Variants in TLN2 observed in about 807,000 individuals in gnomAD.
The protein encoded by TLN2 is talin 2.
TLN2 carries 118 observed loss-of-function variants against 294.7 expected under a neutral mutation model. The ratio of observed to expected loss-of-function variants is 0.40; its 90% CI spans 0.34 to 0.47. The LOEUF (loss-of-function observed/expected upper bound fraction) is 0.47, where lower values mean the gene tolerates loss of function less well. Among genes scored for constraint, TLN2 ranks in the 20% least tolerant of loss-of-function variants. TLN2 has a pLI of 0.84. For missense variants in TLN2, 3,083 were observed against 3,282.2 expected (o/e 0.94, Z 1.48); for synonymous variants, 1,431 against 1,304.5 (o/e 1.10, Z -2.09).
intron 42 of TLN2, among the ~76,000 whole-genome samples, chr15:62,771,342 G>C (rs534964548): frequency 6.6e-6 from 1 of 152,230 alleles, no homozygotes; most frequent in South Asian, 2.1e-4. Flanking sequence ...TTTTTTTCTT[G>C]ACAGAATGTG....
At chr15:62,698,701 C>T in intron 15 of TLN2, 53 bp from the exon 16 acceptor site, 7 of 1,462,492 alleles carry the variant, frequency 4.8e-6, no homozygotes, top group Admixed American at 1.7e-5. Flanking sequence ...CATAAAGGGC[C>T]ATGTCGGTCC....
At position 62,513,667 on chromosome 15, in the gene TLN2, G is replaced by T. The variant is rs116770681; in HGVS notation, c.-237-76020G>T. Among the ~76,000 whole-genome samples the T allele has an allele frequency of 2.0e-3, 306 of 152,322 alleles. 3 individuals are homozygous for T. The highest frequency in any genetic ancestry group is 6.9e-3 in the African/African-American group (287 of 41,580). ...TGATAGTGATGATGAAAAATGAGGT[G>T]TAACAGATACTAAAGGGTCTAGCAG... On this transcript the variant is annotated intron_variant, in intron 1 of 58. Coordinates refer to ENST00000636159, the MANE Select transcript of TLN2 (RefSeq NM_015059.3).
intron 1 of TLN2, among the ~76,000 whole-genome samples, chr15:62,400,923 G>T (rs1177029204): frequency 1.4e-5 from 2 of 147,368 alleles, no homozygotes; most frequent in Admixed American, 7.0e-5. Context: ...TCAAGCCGTT[G>T]TCCTGCCTTA....
intron 28 of TLN2, among the ~76,000 whole-genome samples, chr15:62,729,625 T>G (rs2060612413): frequency 1.3e-5 from 2 of 152,238 alleles, no homozygotes; most frequent in Non-Finnish European, 2.9e-5. Context: ...TTCATGCTTA[T>G]ATTTAATGGA....
intron 12 of TLN2, among the ~76,000 whole-genome samples, chr15:62,689,527 T>C (rs1003674913): frequency 6.6e-6 from 1 of 152,156 alleles, no homozygotes; most frequent in Non-Finnish European, 1.5e-5. Context: ...CATTTTGTGT[T>C]TGGAGAGCTT....
At chr15:62,632,429 C>T (rs993874659) in intron 3 of TLN2, among the ~76,000 whole-genome samples, 3 of 152,156 alleles carry the variant, frequency 2.0e-5, no homozygotes, top group Admixed American at 2.0e-4. Context: ...ATCAGAGTGA[C>T]CTAGGCTCTT....
At chr15:62,566,494 A>G (rs994739882) in intron 1 of TLN2, among the ~76,000 whole-genome samples, 2 of 152,070 alleles carry the variant, frequency 1.3e-5, no homozygotes, top group South Asian at 4.2e-4. Context: ...GCCAGAAAAT[A>G]GAGGGATGTG....
intron 52 of TLN2, among the ~76,000 whole-genome samples, 184 bp from the exon 53 acceptor site, chr15:62,819,332 C>T (rs1162809647): frequency 1.3e-5 from 2 of 152,186 alleles, no homozygotes; most frequent in African/African-American, 4.8e-5. Context: ...TTTTATTTCT[C>T]ACATGGGGAG....
At chr15:62,416,338 C>T (rs1332744776) in intron 1 of TLN2, among the ~76,000 whole-genome samples, 1 of 152,118 alleles carries the variant, frequency 6.6e-6, no homozygotes, top group Non-Finnish European at 1.5e-5. Flanking sequence ...AACAAAATCC[C>T]TCTTCAGTCC....
intron 26 of TLN2, among the ~76,000 whole-genome samples, chr15:62,723,538 C>CTTTTTTTTT (rs555674609): frequency 9.3e-6 from 1 of 107,220 alleles, no homozygotes; most frequent in Non-Finnish European, 1.7e-5. Context: ...ACTGTGAAAA[C>CTTTTTTTTT]TTTTTTTTTT....
At chr15:62,674,513 T>A (rs1470706606) in intron 10 of TLN2, among the ~76,000 whole-genome samples, 1 of 149,700 alleles carries the variant, frequency 6.7e-6, no homozygotes, top group African/African-American at 2.5e-5. Context: ...AAAACGATAT[T>A]TTTTTTTTTT....
At chr15:62,672,159 T>C (rs938421047) in intron 9 of TLN2, among the ~76,000 whole-genome samples, 2 of 152,222 alleles carry the variant, frequency 1.3e-5, no homozygotes, top group African/African-American at 4.8e-5. Flanking sequence ...AAGAGTTGTA[T>C]AATGATGATT....
chr15:62,678,093 C>T (rs1449524633), intron 11 of TLN2, among the ~76,000 whole-genome samples: 1 of 151,994 alleles, frequency 6.6e-6, no homozygotes, highest in Non-Finnish European at 1.5e-5. Flanking sequence ...CCACCCCTGG[C>T]CAAGCACTTG....
At chr15:62,658,425 C>G (rs2053463416) in intron 9 of TLN2, among the ~76,000 whole-genome samples, 1 of 152,150 alleles carries the variant, frequency 6.6e-6, no homozygotes, top group Admixed American at 6.5e-5. Context: ...CCAGAGTATG[C>G]CTTTGAGTAA....
intron 1 of TLN2, among the ~76,000 whole-genome samples, chr15:62,496,645 T>A (rs1415500015): frequency 6.6e-6 from 1 of 152,212 alleles, no homozygotes; most frequent in Non-Finnish European, 1.5e-5. Flanking sequence ...GATCAGTGCC[T>A]GATTGTTCCC....
chr15:62,829,089 T>G (rs2068499460), intron 54 of TLN2: 1 of 150,746 alleles, frequency 6.6e-6, no homozygotes, highest in African/African-American at 2.4e-5. Context: ...ATTTATTTAT[T>G]TATTTATTTA....
intron 1 of TLN2, among the ~76,000 whole-genome samples, chr15:62,504,935 A>G (rs1228318008): frequency 1.3e-5 from 2 of 150,594 alleles, no homozygotes; most frequent in Non-Finnish European, 2.9e-5. Context: ...AATAACATTA[A>G]AAAACAGAAA....
rs535637430 is a variant in TLN2, at chr15:62,714,316, C to T, written c.2635-2015C>T. ...CTCCTGGGTTCACGCCATTCTCCTG[C>T]CTCAGCCTCCTGAGTAGCTGGGACT... On this transcript the variant is annotated intron_variant, in intron 22 of 58. Transcript: ENST00000636159. Among the ~76,000 whole-genome samples, 26 of 151,108 alleles carry T rather than the reference C, an allele frequency of 1.7e-4. 1 individual carries two copies. Among genetic ancestry groups the T allele is most frequent in the Admixed American group, 1.3e-3 (20 of 15,164 alleles).
intron 1 of TLN2, among the ~76,000 whole-genome samples, chr15:62,575,936 T>G (rs759454379): frequency 1.3e-5 from 2 of 152,230 alleles, no homozygotes; most frequent in Non-Finnish European, 2.9e-5. Flanking sequence ...TTCCAAGTCA[T>G]AAGTCAGATG....
Sources: allele counts gnomAD v4.1 joint callset (sites outside exome capture counted in the v4.1 genomes callset), GRCh38; gene constraint gnomAD v4.1.1; transcripts MANE v1.5; gene names NCBI Gene and HGNC (gene_info 2026-07-23, HGNC 2026-07-21).